CDC6: variants seen among roughly 807,000 people sequenced by gnomAD.
CDC6 encodes the protein DNA replication factor CDC6.
In CDC6, 46 loss-of-function variants were observed where a neutral mutation model predicts 60.2. The observed-to-expected ratio is 0.76, with a 90% confidence interval of 0.60 to 0.98. CDC6 has a LOEUF of 0.98. Ranked by LOEUF, CDC6 falls within the 50% of genes least tolerant of loss-of-function variation. CDC6 has a pLI of 0.00. For synonymous variants in CDC6, 210 were observed against 233.2 expected, an observed-to-expected ratio of 0.90 and a Z score of 0.90; for missense variants, 596 against 652.9, an observed-to-expected ratio of 0.91 and a Z score of 0.95.
intron 9 of CDC6, among the ~76,000 whole-genome samples, 176 bp from the exon 10 acceptor site, chr17:40,300,651 GA>G (rs1441703243): frequency 6.6e-6 from 1 of 152,174 alleles, no homozygotes; most frequent in African/African-American, 2.4e-5. Flanking sequence ...ATCCTTAAGA[GA>G]ATAGCATTAT....
chr17:40,293,216 G>T (rs2032795322), intron 4 of CDC6, among the ~76,000 whole-genome samples: 2 of 152,058 alleles, frequency 1.3e-5, no homozygotes, highest in African/African-American at 4.8e-5. Context: ...TTCAGCCTGG[G>T]CAACAGAGTG....
rs1395896892 is a variant in CDC6 at position 40,291,646 on chromosome 17, G to A, written c.638G>A (p.Ser213Asn). 1.9e-6 allele frequency: 3 copies of A among 1,614,194 alleles called. No homozygotes were observed. Among genetic ancestry groups the A allele is most frequent in the Non-Finnish European group, 2.5e-6 (3 of 1,180,016 alleles). ...GGAACTGGAAAAACTGCCTGCTTAA[G>A]CCGGATTCTGCAAGACCTCAAGGTA... is the stretch of plus-strand genomic sequence containing the variant. ...APGTGKTACL[S>N]RILQDLKKEL... The change falls in exon 4 of 12, where the codon AGC (serine) becomes AAC (asparagine). Residue 213 changes from serine to asparagine, a missense_variant. By Grantham distance (46) the Ser-to-Asn change is conservative. Transcript: ENST00000209728.
chr17:40,289,224 T>G, intron 1 of CDC6, 184 bp from the exon 2 acceptor site: 3 of 591,230 alleles, frequency 5.1e-6, no homozygotes, highest in Non-Finnish European at 9.1e-6. Flanking sequence ...ACGTAGTAGG[T>G]AGACAACAAA....
At chr17:40,296,193 T>C (rs2032856609) in intron 8 of CDC6, among the ~76,000 whole-genome samples, 1 of 152,178 alleles carries the variant, frequency 6.6e-6, no homozygotes, top group Non-Finnish European at 1.5e-5. Flanking sequence ...ACTGCAACTA[T>C]GAGCAATAGT....
chr17:40,290,815 T>C (rs2032745923), intron 2 of CDC6, among the ~76,000 whole-genome samples: 1 of 152,198 alleles, frequency 6.6e-6, no homozygotes, highest in African/African-American at 2.4e-5. Context: ...TGTTTATTTC[T>C]GGAATTTTCC....
At chr17:40,290,967 T>C in intron 2 of CDC6, 91 bp from the exon 3 acceptor site, 1 of 1,328,364 alleles carries the variant, frequency 7.5e-7, no homozygotes, top group South Asian at 1.2e-5. Flanking sequence ...AAGGTAGAAA[T>C]TCACCTCTTT....
At position 40,300,948 on chromosome 17, in the gene CDC6, TC is replaced by T. The variant is rs1567737176; in HGVS notation, c.1373del (p.Pro458LeufsTer11). 1 of 1,614,046 alleles carries T rather than the reference TC, an allele frequency of 6.2e-7. No homozygotes were observed. Among genetic ancestry groups the T allele is most frequent in the East Asian group, 2.2e-5 (1 of 44,880 alleles). On this transcript the variant is annotated frameshift_variant, in exon 10 of 12. Transcript: ENST00000209728. LOFTEE classifies it high-confidence loss of function. ...TLSQEGAQDSFPLQQKILVCS... is the reference protein window; with the variant it reads ...TLSQEGAQDSXPLQQKILVCS... ...AGCCAAGAAGGAGCACAAGATTCCT[TC>T]CCTCTTCAGCAGAAGATCTTGGTTT...
rs2032951803 is a variant in CDC6, at chr17:40,302,338, AT to A, written c.*344del. 1 of 275,078 alleles carries A rather than the reference AT, an allele frequency of 3.6e-6. No homozygotes were observed. Among genetic ancestry groups the A allele is most frequent in the Admixed American group, 5.0e-5 (1 of 19,916 alleles). The allele number at this position is 275,078 out of a possible 1,614,324, so 17.0% of individuals were successfully genotyped here. A position where few individuals can be genotyped will look rare whatever the true frequency, so the allele number is the denominator to read the frequency against. ...TTCGTTTGCTCAAACATGAGTGGGT[AT>A]TTTTTTGTTTGTTTTTTTTGTTGTT... is the stretch of plus-strand genomic sequence containing the variant. On this transcript the variant is annotated 3_prime_UTR_variant, in exon 12 of 12. Transcript: ENST00000209728.
chr17:40,299,757 A>G (rs1230481107), intron 9 of CDC6, among the ~76,000 whole-genome samples: 2 of 151,952 alleles, frequency 1.3e-5, no homozygotes, highest in East Asian at 3.9e-4. Context: ...AAAAGAAAAA[A>G]AAAAAAAAAA....
Position 40,291,268 on chromosome 17 carries a change from T to C in CDC6, c.389T>C (p.Ile130Thr). The C allele has an allele frequency of 6.2e-7, 1 of 1,614,120 alleles. No individual in the cohort carries two copies. Among genetic ancestry groups the C allele is most frequent in the Non-Finnish European group, 8.5e-7 (1 of 1,179,950 alleles). Reference sequence around the variant, plus strand: ...TCTTCAGTTAGAAAAAGTCAAGAGATCACAACAAATTCTGAGCAGAGATGT... The same window carrying C: ...TCTTCAGTTAGAAAAAGTCAAGAGACCACAACAAATTCTGAGCAGAGATGT... Reference protein sequence around the residue: ...ILSSVRKSQEITTNSEQRCPL... With the variant: ...ILSSVRKSQETTTNSEQRCPL... Residue 130 changes from isoleucine to threonine, a missense_variant, in exon 3 of 12, where the codon ATC (isoleucine) becomes ACC (threonine). Coordinates refer to ENST00000209728, the MANE Select transcript of CDC6 (RefSeq NM_001254.4).
chr17:40,302,137 T>C lies in CDC6; in HGVS notation c.*136T>C. The C allele has an allele frequency of 1.4e-6, 1 of 719,514 alleles. No individual in the cohort carries two copies. The highest frequency in any genetic ancestry group is 2.1e-5 in the Admixed American group (1 of 48,406). 44.6% of individuals were successfully genotyped at this position (719,514 alleles called of 1,614,324 possible). A position where few individuals can be genotyped will look rare whatever the true frequency, so the allele number is the denominator to read the frequency against. On this transcript the variant is annotated 3_prime_UTR_variant, in exon 12 of 12. Transcript: ENST00000209728. The stretch of plus-strand genomic sequence containing the variant: ...CTTGAAGCCAATGAATTTTAATCTA[T>C]AGATTCTTTAATATTAGCACAGAAT...
chr17:40,293,484 T>G lies in CDC6; in HGVS notation c.689T>G (p.Met230Arg). 6.2e-7 allele frequency: 1 copy of G among 1,614,134 alleles called. No homozygotes were observed. The highest frequency in any genetic ancestry group is 1.3e-5 in the African/African-American group (1 of 75,062). Residue 230 changes from methionine (M) to arginine (R), a missense_variant, in exon 5 of 12, where the codon ATG becomes AGG. Physicochemically the swap from Met to Arg is moderately conservative, Grantham distance 91. Transcript: ENST00000209728. ...GAACTGAAAGGCTTTAAAACTATCA[T>G]GCTGAATTGCATGTCCTTGAGGACT... ...KKELKGFKTI[M>R]LNCMSLRTAQ...
chr17:40,301,857 C>A, intron 11 of CDC6, 55 bp from the exon 12 acceptor site: 1 of 1,177,602 alleles, frequency 8.5e-7, no homozygotes, highest in Non-Finnish European at 1.3e-6. Flanking sequence ...TGTATACTGA[C>A]AACTTTGCTT....
In CDC6 at chr17:40,289,605, C is replaced by T. The variant is rs1434622905; in HGVS notation, c.178+7C>T. 1.2e-6 allele frequency: 2 copies of T among 1,611,692 alleles called. No individual in the cohort carries two copies. Among genetic ancestry groups the T allele is most frequent in the African/African-American group, 2.7e-5 (2 of 74,942 alleles). On this transcript the variant is annotated splice_region_variant and intron_variant, in intron 2 of 11. Transcript: ENST00000209728. ...AGCCCCAGGAAACGTCTGGGTAAAC[C>T]ATCCATTATATCACTTTTTCACTAG...
intron 10 of CDC6, 123 bp downstream of exon 10, chr17:40,301,153 A>G (rs1401188970): frequency 1.2e-5 from 9 of 781,788 alleles, no homozygotes; most frequent in Non-Finnish European, 2.0e-5. Flanking sequence ...TTTTAACAGT[A>G]AGAATTAATA....
intron 4 of CDC6, 98 bp from the exon 5 acceptor site, chr17:40,293,358 C>T: frequency 1.2e-6 from 1 of 827,466 alleles, no homozygotes; most frequent in Non-Finnish European, 2.1e-6. Flanking sequence ...AGTAGAGCTT[C>T]CTTACGTGCT....
intron 4 of CDC6, 108 bp downstream of exon 4, chr17:40,291,776 C>T (rs561434072): frequency 2.9e-5 from 34 of 1,180,884 alleles, no homozygotes; most frequent in Admixed American, 1.1e-4. Context: ...GACGGAGTCT[C>T]GCTCTGTCGC....
intron 9 of CDC6, among the ~76,000 whole-genome samples, chr17:40,299,458 ACTATGTGT>A (rs1332536240): frequency 2.0e-5 from 3 of 151,980 alleles, no homozygotes; most frequent in African/African-American, 4.8e-5. Context: ...TGTTGTCCCC[ACTATGTGT>A]CTATGTGTTC....
Position 40,293,609 on chromosome 17 carries a change from A to C in CDC6, c.814A>C (p.Thr272Pro), listed in dbSNP as rs757400516. 3.1e-6 allele frequency: 5 copies of C among 1,613,504 alleles called. No homozygotes were observed. The highest frequency in any genetic ancestry group is 4.2e-6 in the Non-Finnish European group (5 of 1,179,390). The change falls in exon 5 of 12, where the codon ACT becomes CCT. Residue 272 changes from threonine to proline, a missense_variant. Transcript: ENST00000209728. ...DMMRKLEKHM[T>P]AEKGPMIVLV... ...GATGAGGAAATTGGAAAAACATATG[A>C]CTGCAGAGAAGGGCCCCATGATGTA...
Sources: gnomAD v4.1 joint callset for allele counts (sites outside exome capture counted in the v4.1 genomes callset) on GRCh38, gnomAD v4.1.1 for gene constraint, MANE v1.5 for transcripts, NCBI Gene and HGNC (gene_info 2026-07-23, HGNC 2026-07-21) for gene names.